Variants in COL5A1 observed in about 807,000 individuals in gnomAD.
COL5A1 encodes the protein collagen alpha-1(V) chain.
COL5A1 carries 16 observed loss-of-function variants against 263.7 expected under a neutral mutation model. The ratio of observed to expected loss-of-function variants is 0.06; its 90% CI spans 0.04 to 0.09. The LOEUF is 0.09. Among genes scored for constraint, COL5A1 ranks in the 10% least tolerant of loss-of-function variants. COL5A1 has a pLI of 1.00. For missense variants in COL5A1, 2,036 were observed against 2,540.5 expected (o/e 0.80, Z 4.27); for synonymous variants, 1,012 against 1,004.5 (o/e 1.01, Z -0.14).
chr9:134,766,529 C>G (rs369820884), intron 22 of COL5A1, 31 bp downstream of exon 22: 9 of 1,611,812 alleles, frequency 5.6e-6, no homozygotes, highest in Non-Finnish European at 7.6e-6. Context: ...GGCCTGGCTT[C>G]AGGGGCACTT....
intron 37 of COL5A1, among the ~76,000 whole-genome samples, chr9:134,800,456 A>G (rs10745386): frequency 0.68 from 102,700 of 152,068 alleles, 36,167 homozygotes; most frequent in African/African-American, 0.88. Context: ...CAAAGAAGCT[A>G]AGTCTGGGCT....
chr9:134,732,266 G>C, intron 9 of COL5A1, 139 bp downstream of exon 9: 1 of 832,180 alleles, frequency 1.2e-6, no homozygotes, highest in Admixed American at 1.9e-5. Flanking sequence ...ACCTGGTCTC[G>C]TGGAGTCCAC....
At chr9:134,826,044 C>A (rs904752370) in intron 63 of COL5A1, 140 bp downstream of exon 63, 18 of 584,798 alleles carry the variant, frequency 3.1e-5, no homozygotes, top group Non-Finnish European at 5.6e-5. Flanking sequence ...TGAAACTGTT[C>A]TTTCAGAAGT....
At chr9:134,759,461 A>C (rs1564437918) in intron 18 of COL5A1, among the ~76,000 whole-genome samples, 1 of 105,786 alleles carries the variant, frequency 9.5e-6, no homozygotes, top group Non-Finnish European at 1.7e-5. Context: ...ACACTCATAC[A>C]TGCACGCACA....
chr9:134,692,802 G>A (rs899665762), intron 2 of COL5A1, among the ~76,000 whole-genome samples: 16 of 152,160 alleles, frequency 1.1e-4, no homozygotes, highest in Non-Finnish European at 2.1e-4. Context: ...AGCTGGGCGC[G>A]GTGGCTCACC....
chr9:134,781,910 A>G (rs1837269958), intron 28 of COL5A1, among the ~76,000 whole-genome samples: 1 of 152,176 alleles, frequency 6.6e-6, no homozygotes, highest in Non-Finnish European at 1.5e-5. Flanking sequence ...CTGAGTCCCC[A>G]GATCCTGTCC....
intron 2 of COL5A1, among the ~76,000 whole-genome samples, chr9:134,697,982 G>A (rs970796273): frequency 6.6e-6 from 1 of 152,170 alleles, no homozygotes; most frequent in Admixed American, 6.5e-5. Flanking sequence ...TACTTGGGAG[G>A]CTGAGGCAAG....
In COL5A1 at chr9:134,835,181, C is replaced by T. The variant is rs1303166347; in HGVS notation, c.5347C>T (p.Arg1783Cys). ...EMSYDNNPYI[R>C]ALVDGCATKK... is the part of the protein sequence containing the mutation. ...GTCCTATGACAACAACCCCTACATC[C>T]GCGCCCTGGTGGACGGCTGTGCTGT... The change falls in exon 65 of 66, where the codon CGC becomes TGC. Residue 1783 changes from arginine to cysteine, a missense_variant. Physicochemically the swap from Arg to Cys is radical, Grantham distance 180. Around this residue, in one of 3 missense-constraint regions of COL5A1, gnomAD observed 358 missense variants for 384.6 expected, o/e 0.93. Coordinates refer to ENST00000371817, the MANE Select transcript of COL5A1 (RefSeq NM_000093.5). 14 of 1,613,612 alleles carry T rather than the reference C, an allele frequency of 8.7e-6. No homozygotes were observed. Among genetic ancestry groups the T allele is most frequent in the African/African-American group, 1.3e-5 (1 of 74,950 alleles).
At chr9:134,831,824 C>A (rs1470566833) in intron 64 of COL5A1, among the ~76,000 whole-genome samples, 2 of 152,236 alleles carry the variant, frequency 1.3e-5, no homozygotes, top group Non-Finnish European at 2.9e-5. Flanking sequence ...CACCTCTCGT[C>A]CTGTTCCACA....
chr9:134,809,596 C>T (rs1205995087), intron 43 of COL5A1, among the ~76,000 whole-genome samples: 1 of 152,244 alleles, frequency 6.6e-6, no homozygotes, highest in African/African-American at 2.4e-5. Context: ...CCCGGTCCCC[C>T]CGAATAATTT....
chr9:134,792,954 GCTGCCTGCTGTCTGCCTGCTGTCTGT>G lies in COL5A1; in HGVS notation c.2701-2120_2701-2095del, dbSNP rs948149803. Among the ~76,000 whole-genome samples, 5 of 137,776 alleles carry G rather than the reference GCTGCCTGCTGTCTGCCTGCTGTCTGT, an allele frequency of 3.6e-5. No homozygotes were observed. The Admixed American group carries it at 3.8e-4, about 10-fold the overall frequency. 90.4% of individuals were successfully genotyped at this position (137,776 alleles called of 152,430 possible). The stretch of plus-strand genomic sequence containing the variant: ...ATGTGTGTCTGCCTTCCACATGAGG[GCTGCCTGCTGTCTGCCTGCTGTCTGT>G]CTGCCTGGTCCTACCTTCTGCAGAG... On this transcript the variant is annotated intron_variant, in intron 32 of 65. Coordinates refer to ENST00000371817, the MANE Select transcript of COL5A1 (RefSeq NM_000093.5).
chr9:134,805,537 G>T (rs1254493716), intron 41 of COL5A1, among the ~76,000 whole-genome samples: 5 of 152,160 alleles, frequency 3.3e-5, no homozygotes, highest in African/African-American at 9.7e-5. Context: ...CGTGGGTCTG[G>T]GCTGGGCCAG....
intron 1 of COL5A1, among the ~76,000 whole-genome samples, chr9:134,671,268 T>C (rs1230008174): frequency 2.0e-5 from 3 of 152,144 alleles, no homozygotes; most frequent in African/African-American, 7.2e-5. Context: ...ATTAACCCAC[T>C]GGGTGTGCAG....
intron 9 of COL5A1, chr9:134,732,446 A>G: frequency 1.9e-6 from 1 of 515,074 alleles, no homozygotes; most frequent in Non-Finnish European, 3.5e-6. Context: ...AGAGCTATCG[A>G]GGCGGAGGCG....
intron 52 of COL5A1, among the ~76,000 whole-genome samples, chr9:134,816,698 C>G (rs533754717): frequency 5.3e-4 from 80 of 152,324 alleles, no homozygotes; most frequent in Middle Eastern, 6.8e-3. Flanking sequence ...TCTTGTCCCC[C>G]CTTCTGTGAA....
At chr9:134,763,669 C>G (rs760421344) in intron 19 of COL5A1, 24 bp from the exon 20 acceptor site, 2 of 1,612,978 alleles carry the variant, frequency 1.2e-6, no homozygotes, top group Non-Finnish European at 1.7e-6. Flanking sequence ...ATTTCTCTAA[C>G]CTTGCCTTTT....
chr9:134,752,490 C>T, intron 13 of COL5A1, 99 bp from the exon 14 acceptor site: 2 of 880,992 alleles, frequency 2.3e-6, no homozygotes, highest in South Asian at 1.4e-5. Flanking sequence ...TCTGTCCAGT[C>T]TGCCCGTTCC....
intron 39 of COL5A1, among the ~76,000 whole-genome samples, chr9:134,804,624 C>T (rs1443450911): frequency 6.6e-6 from 1 of 152,216 alleles, no homozygotes; most frequent in South Asian, 2.1e-4. Context: ...CACGCAGAGC[C>T]CGCCAGATGA....
At chr9:134,702,193 G>A (rs1225476348) in intron 4 of COL5A1, among the ~76,000 whole-genome samples, 1 of 152,172 alleles carries the variant, frequency 6.6e-6, no homozygotes, top group Admixed American at 6.5e-5. Context: ...CCCCTCCACT[G>A]GGCTTCCTTG....
Sources: gnomAD v4.1 joint callset for allele counts (sites outside exome capture counted in the v4.1 genomes callset) on GRCh38, gnomAD v4.1.1 for gene constraint, gnomAD v4.1.1 regional missense constraint, MANE v1.5 for transcripts, NCBI Gene and HGNC (gene_info 2026-07-23, HGNC 2026-07-21) for gene names.